Variants in ADARB2 observed in about 807,000 individuals in gnomAD.
The protein encoded by ADARB2 is adenosine deaminase RNA specific B2 (inactive), also known as inactive double-stranded RNA-specific editase B2.
Under a neutral mutation model 62.2 loss-of-function variants are expected in ADARB2, and 25 were observed. The observed-to-expected ratio is 0.40, with a 90% CI of 0.29 to 0.56. The LOEUF (loss-of-function observed/expected upper bound fraction) is 0.56. Among genes scored for constraint, ADARB2 ranks in the 20% least tolerant of loss-of-function variants. The pLI, the probability that ADARB2 is intolerant of heterozygous loss-of-function variation, is 0.43. For synonymous variants in ADARB2, 572 were observed against 500.8 expected (o/e 1.14, Z -1.90); for missense variants, 1,071 against 1,077.4 (o/e 0.99, Z 0.08).
intron 3 of ADARB2, among the ~76,000 whole-genome samples, chr10:1,358,822 G>A (rs962065536): frequency 2.0e-5 from 3 of 152,168 alleles, no homozygotes; most frequent in African/African-American, 4.8e-5. Flanking sequence ...GGGTACTTGA[G>A]GGTGAAAGAT....
At chr10:1,337,876 T>A (rs1831988999) in intron 3 of ADARB2, among the ~76,000 whole-genome samples, 1 of 152,172 alleles carries the variant, frequency 6.6e-6, no homozygotes, top group African/African-American at 2.4e-5. Flanking sequence ...AGTCATAGGA[T>A]TTGCTTCCCA....
chr10:1,507,658 G>A (rs1035571401), intron 1 of ADARB2, among the ~76,000 whole-genome samples: 1 of 152,238 alleles, frequency 6.6e-6, no homozygotes, highest in Non-Finnish European at 1.5e-5. Context: ...CGAGAGACAG[G>A]CCGAGTTCCA....
intron 1 of ADARB2, among the ~76,000 whole-genome samples, chr10:1,692,026 C>T (rs1219868175): frequency 2.0e-5 from 3 of 152,196 alleles, no homozygotes; most frequent in Non-Finnish European, 2.9e-5. Flanking sequence ...TCCTGATGCA[C>T]AGCACAGTGC....
chr10:1,526,357 C>G (rs568727548), intron 1 of ADARB2, among the ~76,000 whole-genome samples: 89 of 151,942 alleles, frequency 5.9e-4, no homozygotes, highest in Non-Finnish European at 9.6e-4. Context: ...GTGGCACAGT[C>G]AGTGCTATGG....
chr10:1,661,072 G>A (rs772180052), intron 1 of ADARB2, among the ~76,000 whole-genome samples: 1 of 152,090 alleles, frequency 6.6e-6, no homozygotes, highest in Non-Finnish European at 1.5e-5. Context: ...CCGAGCCTGC[G>A]ATAAGCTCCC....
At chr10:1,230,535 C>T (rs115380633) in intron 6 of ADARB2, among the ~76,000 whole-genome samples, 272 of 152,288 alleles carry the variant, frequency 1.8e-3, no homozygotes, top group African/African-American at 6.1e-3. Context: ...ACGTGGAGAC[C>T]CCTGCCTCTT....
chr10:1,262,309 A>ATAATAATAATAT (rs1831148156), intron 4 of ADARB2, among the ~76,000 whole-genome samples: 14 of 143,888 alleles, frequency 9.7e-5, no homozygotes, highest in Non-Finnish European at 1.9e-4. Flanking sequence ...AATAATAATA[A>ATAATAATAATAT]TAATAATAAT....
At chr10:1,377,991 G>C (rs1295583975) in intron 2 of ADARB2, among the ~76,000 whole-genome samples, 1 of 152,090 alleles carries the variant, frequency 6.6e-6, no homozygotes, top group Non-Finnish European at 1.5e-5. Context: ...GCAATCCCAG[G>C]GTCACCTCGC....
At chr10:1,250,636 C>G (rs1589165521) in intron 4 of ADARB2, among the ~76,000 whole-genome samples, 1 of 152,160 alleles carries the variant, frequency 6.6e-6, no homozygotes, top group East Asian at 1.9e-4. Flanking sequence ...CACTGCCATA[C>G]CCTTAAACTT....
chr10:1,234,994 G>A (rs1224527671), intron 5 of ADARB2, among the ~76,000 whole-genome samples: 6 of 152,040 alleles, frequency 3.9e-5, no homozygotes, highest in African/African-American at 9.7e-5. Flanking sequence ...TGATCCACCC[G>A]CCTTGGCCCC....
At chr10:1,257,685 A>G (rs182177233) in intron 4 of ADARB2, among the ~76,000 whole-genome samples, 8 of 152,286 alleles carry the variant, frequency 5.3e-5, no homozygotes, top group African/African-American at 1.7e-4. Context: ...AAGTTTGGTT[A>G]TAACAGCATA....
At chr10:1,454,506 A>G (rs902885291) in intron 1 of ADARB2, among the ~76,000 whole-genome samples, 12 of 152,260 alleles carry the variant, frequency 7.9e-5, no homozygotes, top group Non-Finnish European at 1.6e-4. Flanking sequence ...TGAAAAAGGA[A>G]GAACATTCTG....
At position 1,615,460 on chromosome 10, in the gene ADARB2, G is replaced by A. The variant is rs561320610; in HGVS notation, c.100+121591C>T. Among the ~76,000 whole-genome samples the A allele has an allele frequency of 2.0e-5, 3 of 152,324 alleles. No homozygotes were observed. In the East Asian group the frequency reaches 5.8e-4, roughly 29 times the overall value. On this transcript the variant is annotated intron_variant, in intron 1 of 9. Coordinates refer to ENST00000381312, the MANE Select transcript of ADARB2 (RefSeq NM_018702.4). ...CCCAGAGGCCCAGGATGCGCGGTAT[G>A]GTGGATGTGTCAGGGTGCACAGCTG...
At chr10:1,451,130 G>A (rs946867970) in intron 1 of ADARB2, among the ~76,000 whole-genome samples, 1 of 152,226 alleles carries the variant, frequency 6.6e-6, no homozygotes, top group Non-Finnish European at 1.5e-5. Flanking sequence ...AGCCTGGTCT[G>A]CCCATCTTTG....
intron 1 of ADARB2, among the ~76,000 whole-genome samples, chr10:1,440,562 A>G (rs962174668): frequency 6.6e-6 from 1 of 152,172 alleles, no homozygotes; most frequent in Non-Finnish European, 1.5e-5. Flanking sequence ...AGCTACACAT[A>G]ATATTTTCAA....
rs1430198646 is a variant in ADARB2 at position 1,307,441 on chromosome 10, A to G, written c.1078-36372T>C. ...AAAGTCAGGAAACAACAGGTGCTGG[A>G]GAGGATGTGGAGAAATAGGAACACT... On this transcript the variant is annotated intron_variant, in intron 3 of 9. Coordinates refer to ENST00000381312, the MANE Select transcript of ADARB2 (RefSeq NM_018702.4). 3.5e-5 allele frequency among the ~76,000 whole-genome samples: 5 copies of G among 141,932 alleles called. No homozygotes were observed. In the South Asian group the frequency reaches 1.3e-3, roughly 37 times the overall value. 93.1% of individuals were successfully genotyped at this position (141,932 alleles called of 152,430 possible).
At chr10:1,303,841 A>C (rs1831599020) in intron 3 of ADARB2, among the ~76,000 whole-genome samples, 1 of 151,598 alleles carries the variant, frequency 6.6e-6, no homozygotes, top group South Asian at 2.1e-4. Flanking sequence ...TTTTGTCACC[A>C]CCAGGCCTGC....
chr10:1,734,022 C>T (rs1383404860), intron 1 of ADARB2, among the ~76,000 whole-genome samples: 1 of 150,462 alleles, frequency 6.6e-6, no homozygotes, highest in African/African-American at 2.5e-5. Flanking sequence ...TTTTTTTCAG[C>T]AGCTTGTTTT....
chr10:1,710,630 T>C (rs1322420586), intron 1 of ADARB2, among the ~76,000 whole-genome samples: 1 of 152,222 alleles, frequency 6.6e-6, no homozygotes, highest in Non-Finnish European at 1.5e-5. Context: ...TCTGGTGTGC[T>C]GATCAGTTTA....
Sources: allele counts gnomAD v4.1 joint callset (sites outside exome capture counted in the v4.1 genomes callset), GRCh38; gene constraint gnomAD v4.1.1; transcripts MANE v1.5; gene names NCBI Gene and HGNC (gene_info 2026-07-23, HGNC 2026-07-21).